The following SORCS2 variants were observed in gnomAD, a reference collection of about 807,000 sequenced individuals.
SORCS2 encodes the protein VPS10 domain-containing receptor SorCS2.
SORCS2 carries 100 observed loss-of-function variants against 141.6 expected under a neutral mutation model. The observed-to-expected ratio is 0.71, with a 90% confidence interval of 0.60 to 0.83. The LOEUF is 0.83. SORCS2 is among the 40% of genes least tolerant of loss of function. The probability of loss-of-function intolerance (pLI) is 0.00; values close to 1 mark genes in which losing one functional copy is unlikely to be tolerated. For missense variants in SORCS2, 1,646 were observed against 1,560.2 expected (o/e 1.05, Z -0.93); for synonymous variants, 789 against 676.9 (o/e 1.17, Z -2.57).
chr4:7,546,284 T>C (rs1015552968), intron 3 of SORCS2, among the ~76,000 whole-genome samples: 23 of 152,144 alleles, frequency 1.5e-4, no homozygotes, highest in African/African-American at 5.6e-4. Context: ...CAAGGCTCAA[T>C]TCACCAAGGC....
intron 2 of SORCS2, among the ~76,000 whole-genome samples, chr4:7,500,048 G>T (rs1372357440): frequency 6.6e-6 from 1 of 152,166 alleles, no homozygotes; most frequent in Non-Finnish European, 1.5e-5. Flanking sequence ...ACCCAGCTGC[G>T]GCCCCAGATG....
chr4:7,632,844 C>T (rs773835810), intron 3 of SORCS2, among the ~76,000 whole-genome samples: 3 of 151,982 alleles, frequency 2.0e-5, no homozygotes, highest in South Asian at 4.2e-4. Context: ...AGGCTGTTAG[C>T]CTGTGTATGC....
chr4:7,403,997 A>ATATATATATATATATATTTTT (rs1265288820), intron 2 of SORCS2, among the ~76,000 whole-genome samples: 2 of 18,986 alleles, frequency 1.1e-4, no homozygotes, highest in Non-Finnish European at 2.5e-4. Context: ...ATATATATAT[A>ATATATATATATATATATTTTT]TTTTTTTTTT....
At chr4:7,495,317 G>T (rs1467699869) in intron 2 of SORCS2, among the ~76,000 whole-genome samples, 2 of 152,266 alleles carry the variant, frequency 1.3e-5, no homozygotes, top group African/African-American at 4.8e-5. Context: ...GCGAGGCCAG[G>T]CTGGGTTCAA....
intron 2 of SORCS2, among the ~76,000 whole-genome samples, chr4:7,518,461 C>G (rs1012582668): frequency 6.6e-6 from 1 of 152,204 alleles, no homozygotes; most frequent in Non-Finnish European, 1.5e-5. Flanking sequence ...TGCAAAAGTT[C>G]TTTTGCTGTG....
At position 7,201,063 on chromosome 4, in the gene SORCS2, A is replaced by C. The variant is rs1283741211; in HGVS notation, c.480+7937A>C. ...CGCGGGTGAAATGTTTGGTCTGGAC[A>C]GGAATTCACCCCAGCGCGTTCTAGG... is the stretch of plus-strand genomic sequence containing the variant. On this transcript the variant is annotated intron_variant, in intron 1 of 26. Coordinates refer to ENST00000507866, the MANE Select transcript of SORCS2 (RefSeq NM_020777.3). The surrounding 1 kb of genome is among the most constrained non-coding windows in gnomAD (Gnocchi z 4.4). Among the ~76,000 whole-genome samples, 1 of 152,212 alleles carries C rather than the reference A, an allele frequency of 6.6e-6. No homozygotes were observed. The highest frequency in any genetic ancestry group is 1.5e-5 in the Non-Finnish European group (1 of 68,034).
chr4:7,575,887 A>T (rs1437713933), intron 3 of SORCS2, among the ~76,000 whole-genome samples: 1 of 152,196 alleles, frequency 6.6e-6, no homozygotes, highest in Non-Finnish European at 1.5e-5. Context: ...AAGGAAGGTG[A>T]ATTATCTGTT....
At chr4:7,333,570 C>T (rs1719796561) in intron 1 of SORCS2, among the ~76,000 whole-genome samples, 1 of 152,044 alleles carries the variant, frequency 6.6e-6, no homozygotes, top group South Asian at 2.1e-4. Context: ...CAGAGAGGGG[C>T]CACTGGGTGC....
At chr4:7,365,271 G>A (rs548753439) in intron 1 of SORCS2, among the ~76,000 whole-genome samples, 1 of 152,190 alleles carries the variant, frequency 6.6e-6, no homozygotes, top group Non-Finnish European at 1.5e-5. Context: ...CTGGATTGCT[G>A]TCAGCAGAGC....
rs773293939 is a variant in SORCS2 at position 7,733,388 on chromosome 4, C to T, written c.3175C>T (p.Arg1059Trp). 5.7e-5 allele frequency: 90 copies of T among 1,592,202 alleles called. 1 individual carries two copies. Among genetic ancestry groups the T allele is most frequent in the Admixed American group, 4.9e-4 (28 of 57,206 alleles). ...CAGCTTCCTCCTGCGAGGCGGAGTC[C>T]GGGTCCTGGTGGCCCTGCGGGACAC... ...KISFLLRGGVRVLVALRDTGT... is the reference protein window; with the variant it reads ...KISFLLRGGVWVLVALRDTGT... The change falls in exon 24 of 27, where the codon CGG (arginine) becomes TGG (tryptophan). Residue 1059 changes from arginine (R) to tryptophan (W), a missense_variant. Physicochemically the swap from Arg to Trp is moderately radical, Grantham distance 101. Coordinates refer to ENST00000507866, the MANE Select transcript of SORCS2 (RefSeq NM_020777.3).
At chr4:7,254,864 G>A (rs1577325601) in intron 1 of SORCS2, among the ~76,000 whole-genome samples, 1 of 152,078 alleles carries the variant, frequency 6.6e-6, no homozygotes, top group African/African-American at 2.4e-5. Context: ...CAGCCCCCGG[G>A]GACCTGTCAG....
At chr4:7,268,394 T>C (rs1440216261) in intron 1 of SORCS2, among the ~76,000 whole-genome samples, 1 of 152,166 alleles carries the variant, frequency 6.6e-6, no homozygotes, top group Non-Finnish European at 1.5e-5. Flanking sequence ...GGGAGCTTCC[T>C]GTCGGCCACT....
In SORCS2 at chr4:7,361,861, G is replaced by C. The variant is rs143324069; in HGVS notation, c.481-34427G>C. On this transcript the variant is annotated intron_variant, in intron 1 of 26. Coordinates refer to ENST00000507866, the MANE Select transcript of SORCS2 (RefSeq NM_020777.3). Reference sequence around the variant, plus strand: ...TCCAGGTGCTCAGAGAAGCTTCTGAGTGTGGCCCCGGACAGGCACAGAGCA... The same window carrying C: ...TCCAGGTGCTCAGAGAAGCTTCTGACTGTGGCCCCGGACAGGCACAGAGCA... Among the ~76,000 whole-genome samples the C allele has an allele frequency of 6.7e-3, 1,013 of 151,374 alleles. 11 individuals carry two copies. The highest frequency in any genetic ancestry group is 0.023 in the African/African-American group (962 of 41,258).
At chr4:7,198,273 C>T (rs1308563339) in intron 1 of SORCS2, among the ~76,000 whole-genome samples, 5 of 152,112 alleles carry the variant, frequency 3.3e-5, no homozygotes, top group East Asian at 3.9e-4. Flanking sequence ...GGCCAGCCTC[C>T]AGAGTGCAGA....
At chr4:7,597,729 G>A (rs566451970) in intron 3 of SORCS2, among the ~76,000 whole-genome samples, 72 of 150,916 alleles carry the variant, frequency 4.8e-4, no homozygotes, top group African/African-American at 1.7e-3. Context: ...CTATTGCAAT[G>A]GAAGAGGGGG....
intron 1 of SORCS2, among the ~76,000 whole-genome samples, chr4:7,253,935 C>G (rs1713673088): frequency 6.6e-6 from 1 of 152,224 alleles, no homozygotes; most frequent in Non-Finnish European, 1.5e-5. Context: ...CTCAGCATTG[C>G]TCTTCATCAG....
intron 8 of SORCS2, among the ~76,000 whole-genome samples, chr4:7,671,004 C>G (rs903897914): frequency 1.3e-5 from 2 of 152,142 alleles, no homozygotes; most frequent in Non-Finnish European, 2.9e-5. Context: ...TATTTTTCCC[C>G]CTTTTCCCTT....
At chr4:7,434,346 C>A (rs61740031) in intron 2 of SORCS2, 49 of 1,608,248 alleles carry the variant, frequency 3.0e-5, no homozygotes, top group Middle Eastern at 1.7e-4. Flanking sequence ...CTCCTTCAGG[C>A]GCCTGGCGGG....
chr4:7,256,345 G>A (rs1209468376), intron 1 of SORCS2, among the ~76,000 whole-genome samples: 1 of 152,086 alleles, frequency 6.6e-6, no homozygotes, highest in African/African-American at 2.4e-5. Flanking sequence ...TATTGTAGGG[G>A]GCTTTCCTGG....
Sources: gnomAD v4.1 joint callset for allele counts (sites outside exome capture counted in the v4.1 genomes callset) on GRCh38, gnomAD v4.1.1 for gene constraint, Gnocchi (gnomAD v3.1) non-coding constraint, MANE v1.5 for transcripts, NCBI Gene and HGNC (gene_info 2026-07-23, HGNC 2026-07-21) for gene names.